The following ZNF385A variants were observed in gnomAD, a reference collection of about 807,000 sequenced individuals.
ZNF385A encodes zinc finger protein 385A.
A neutral mutation model predicts 32.1 loss-of-function variants in ZNF385A; 14 were observed. That is an observed-to-expected ratio of 0.44 (90% CI 0.29 to 0.68). ZNF385A has a LOEUF of 0.68. Ranked by LOEUF, ZNF385A falls within the 30% of genes least tolerant of loss-of-function variation. The pLI, the probability that ZNF385A is intolerant of heterozygous loss-of-function variation, is 0.14. For synonymous variants in ZNF385A, 197 were observed against 202.7 expected (o/e 0.97, Z 0.24); for missense variants, 406 against 478.4 (o/e 0.85, Z 1.41).
intron 1 of ZNF385A, chr12:54,391,217 G>A: frequency 6.8e-7 from 1 of 1,471,694 alleles, no homozygotes; most frequent in African/African-American, 1.5e-5. Context: ...GGAGCCTGGA[G>A]TCGCAGAGAC....
rs554836221 is a variant in ZNF385A, at chr12:54,390,318, A to G, written c.10+917T>C. Among the ~76,000 whole-genome samples, 17 of 152,170 alleles carry G rather than the reference A, an allele frequency of 1.1e-4. No homozygotes were observed. In the East Asian group the frequency reaches 2.5e-3, roughly 23 times the overall value. ...CCGGCGCTGATGCAGAGTCCAGAGC[A>G]CAGCTAGGCCCTTTCCTCCCCCACC... On this transcript the variant is annotated intron_variant, in intron 1 of 7. Coordinates refer to the ZNF385A transcript ENST00000338010.
At chr12:54,385,629 C>T (rs1381916139), upstream of ZNF385A, 1 of 985,316 alleles carries the variant, frequency 1.0e-6, no homozygotes, top group Non-Finnish European at 1.2e-6. Context: ...AGAAGGTCTC[C>T]AGGATCCCTT....
At chr12:54,375,246 G>A (rs186194113) in intron 2 of ZNF385A, among the ~76,000 whole-genome samples, 1 of 152,298 alleles carries the variant, frequency 6.6e-6, no homozygotes, top group African/African-American at 2.4e-5. Context: ...GCCTCAGAGG[G>A]AGGAAATCTG....
chr12:54,380,474 G>A (rs1319217800), intron 1 of ZNF385A, among the ~76,000 whole-genome samples: 1 of 152,188 alleles, frequency 6.6e-6, no homozygotes, highest in Non-Finnish European at 1.5e-5. Flanking sequence ...CTTAACTGCT[G>A]CACAGTACTT....
At chr12:54,383,686 G>C (rs1314199739) in intron 1 of ZNF385A, among the ~76,000 whole-genome samples, 1 of 152,178 alleles carries the variant, frequency 6.6e-6, no homozygotes, top group Non-Finnish European at 1.5e-5. Flanking sequence ...CCTGAGGTCA[G>C]GAGTTTGAGA....
upstream of ZNF385A, among the ~76,000 whole-genome samples, chr12:54,389,687 A>T (rs1592276956): frequency 1.3e-5 from 2 of 152,294 alleles, no homozygotes; most frequent in South Asian, 2.1e-4. Flanking sequence ...AGCTGTGCCC[A>T]GGGTGGAGCC....
At chr12:54,390,130 G>C (rs1725787397) in intron 1 of ZNF385A, among the ~76,000 whole-genome samples, 1 of 152,142 alleles carries the variant, frequency 6.6e-6, no homozygotes, top group Non-Finnish European at 1.5e-5. Context: ...CATGGAGCCA[G>C]GTGTCCTCGG....
chr12:54,370,834 T>C lies in ZNF385A; in HGVS notation c.774+93A>G, dbSNP rs2706248. 1,602,797 of 1,604,070 alleles carry C rather than the reference T, an allele frequency of 1. 800,777 individuals carry two copies. Among genetic ancestry groups the C allele is most frequent in the Non-Finnish European group, 1 (1,175,164 of 1,175,194 alleles). On this transcript the variant is annotated intron_variant, in intron 5 of 6. Transcript: ENST00000394313. This position sits in a 1 kb window ranked among gnomAD's most constrained non-coding sequence, Gnocchi z 5.5. ...TCCCATCTGGCCCCCTGGGGAAAACTCTGAAGAAGGGCCTTTACTCAAGCT... is the reference window on the plus strand; with the variant it reads ...TCCCATCTGGCCCCCTGGGGAAAACCCTGAAGAAGGGCCTTTACTCAAGCT...
At chr12:54,383,752 C>T (rs889268961) in intron 1 of ZNF385A, among the ~76,000 whole-genome samples, 6 of 151,916 alleles carry the variant, frequency 3.9e-5, no homozygotes, top group South Asian at 2.1e-4. Flanking sequence ...AAAATTAGCC[C>T]GGTGTGGTGG....
intron 3 of ZNF385A, among the ~76,000 whole-genome samples, chr12:54,373,534 C>T (rs1954671838): frequency 6.6e-6 from 1 of 151,766 alleles, no homozygotes; most frequent in Non-Finnish European, 1.5e-5. Context: ...TACTACTACC[C>T]AAGATCATCC....
intron 1 of ZNF385A, chr12:54,381,438 C>T (rs1350130549): frequency 6.6e-6 from 1 of 152,234 alleles, no homozygotes; most frequent in Non-Finnish European, 1.5e-5. Context: ...GCAGTGGAGC[C>T]ATGAACTCTG....
At chr12:54,382,191 C>T (rs920293290) in intron 1 of ZNF385A, among the ~76,000 whole-genome samples, 2 of 151,780 alleles carry the variant, frequency 1.3e-5, no homozygotes, top group Non-Finnish European at 2.9e-5. Flanking sequence ...CCTCAGCCTC[C>T]GGAGTAGCTG....
In ZNF385A at chr12:54,370,790, G is replaced by T. The variant is rs1954501133; in HGVS notation, c.775-69C>A. The T allele has an allele frequency of 1.3e-6, 2 of 1,586,920 alleles. No homozygotes were observed. The highest frequency in any genetic ancestry group is 2.2e-5 in the East Asian group (1 of 44,472). ...GGCAACAGCGAGGGAGTATAATCAA[G>T]CTCCAAGCACCGGCCCCCTCCCATC... On this transcript the variant is annotated intron_variant, in intron 5 of 6. Transcript: ENST00000394313. This position sits in a 1 kb window ranked among gnomAD's most constrained non-coding sequence, Gnocchi z 5.5.
chr12:54,371,932 C>T (rs534366514), intron 3 of ZNF385A, among the ~76,000 whole-genome samples: 4 of 152,332 alleles, frequency 2.6e-5, no homozygotes, highest in African/African-American at 9.6e-5. Context: ...TCTCCATTAG[C>T]TGGGAATGGC....
intron 1 of ZNF385A, among the ~76,000 whole-genome samples, chr12:54,376,715 A>G (rs1954867786): frequency 6.6e-6 from 1 of 152,126 alleles, no homozygotes; most frequent in Non-Finnish European, 1.5e-5. Context: ...CCCTGTCCCC[A>G]CCCTGGGTCA....
chr12:54,388,177 T>C (rs968623198), upstream of ZNF385A, among the ~76,000 whole-genome samples: 3 of 151,966 alleles, frequency 2.0e-5, no homozygotes, highest in Non-Finnish European at 4.4e-5. Context: ...CTCCAGCAGA[T>C]AGAGCCCCAC....
intron 1 of ZNF385A, among the ~76,000 whole-genome samples, chr12:54,390,295 G>A (rs1007835953): frequency 6.6e-6 from 1 of 152,054 alleles, no homozygotes; most frequent in African/African-American, 2.4e-5. Flanking sequence ...GCATGCAGCC[G>A]GCGCTGATGC....
chr12:54,378,315 C>T (rs1954947582), intron 1 of ZNF385A, among the ~76,000 whole-genome samples: 1 of 152,166 alleles, frequency 6.6e-6, no homozygotes, highest in Non-Finnish European at 1.5e-5. Context: ...GGGTGAAAGC[C>T]AGCACCTCCC....
At chr12:54,375,360 G>A (rs1340149511) in intron 2 of ZNF385A, among the ~76,000 whole-genome samples, 3 of 151,874 alleles carry the variant, frequency 2.0e-5, no homozygotes, top group African/African-American at 7.2e-5. Flanking sequence ...TTGGAGGGAG[G>A]AGAGTAGAAA....
Sources: gnomAD v4.1 joint callset for allele counts (sites outside exome capture counted in the v4.1 genomes callset) on GRCh38, gnomAD v4.1.1 for gene constraint, Gnocchi (gnomAD v3.1) non-coding constraint, MANE v1.5 for transcripts, NCBI Gene and HGNC (gene_info 2026-07-23, HGNC 2026-07-21) for gene names.